Variants in PDSS2 observed in about 807,000 individuals in gnomAD.
The protein encoded by PDSS2 is decaprenyl diphosphate synthase subunit 2.
A neutral mutation model predicts 44.5 loss-of-function variants in PDSS2; 31 were observed. The ratio of observed to expected loss-of-function variants is 0.70; its 90% confidence interval spans 0.52 to 0.94. The LOEUF (loss-of-function observed/expected upper bound fraction) is 0.94, where lower values mean the gene tolerates loss of function less well. Among genes scored for constraint, PDSS2 ranks in the 40% least tolerant of loss-of-function variants. The pLI is 0.00. For synonymous variants in PDSS2, 157 were observed against 180.3 expected, an observed-to-expected ratio of 0.87 and a Z score of 1.03; for missense variants, 452 against 482.2, an observed-to-expected ratio of 0.94 and a Z score of 0.59.
chr6:107,401,976 CTA>C (rs1418897869), intron 1 of PDSS2, among the ~76,000 whole-genome samples: 1 of 152,078 alleles, frequency 6.6e-6, no homozygotes, highest in African/African-American at 2.4e-5. Context: ...AACCCTGTCT[CTA>C]TTAAAAATAC....
chr6:107,167,184 A>G (rs1318306158), intron 7 of PDSS2, among the ~76,000 whole-genome samples: 1 of 152,116 alleles, frequency 6.6e-6, no homozygotes, highest in Non-Finnish European at 1.5e-5. Context: ...CAGTGATTCA[A>G]CTTCTTCCTG....
chr6:107,197,263 A>AGG (rs35169458), intron 6 of PDSS2, among the ~76,000 whole-genome samples: 7 of 97,514 alleles, frequency 7.2e-5, no homozygotes, highest in Non-Finnish European at 1.0e-4. Flanking sequence ...GGGTGGGGTA[A>AGG]GGGGGGGGTG....
chr6:107,185,484 C>A (rs1158438170), intron 7 of PDSS2, among the ~76,000 whole-genome samples: 5 of 152,124 alleles, frequency 3.3e-5, no homozygotes, highest in Non-Finnish European at 7.3e-5. Context: ...TGTAGAAAGT[C>A]GAACCATAGG....
chr6:107,247,545 G>C (rs957541572), intron 3 of PDSS2, among the ~76,000 whole-genome samples: 4 of 152,070 alleles, frequency 2.6e-5, no homozygotes, highest in Non-Finnish European at 5.9e-5. Flanking sequence ...TAAGGAAAAA[G>C]CTTTAGATTT....
chr6:107,260,353 G>A (rs562771603), intron 3 of PDSS2, among the ~76,000 whole-genome samples: 25 of 152,208 alleles, frequency 1.6e-4, no homozygotes, highest in African/African-American at 5.5e-4. Context: ...TTTTTGTTGC[G>A]TATTTACAAC....
At chr6:107,293,059 C>T (rs969080876) in intron 2 of PDSS2, among the ~76,000 whole-genome samples, 1 of 152,202 alleles carries the variant, frequency 6.6e-6, no homozygotes, top group Non-Finnish European at 1.5e-5. Flanking sequence ...ATTAAACAGA[C>T]TTGCTCTGGG....
intron 1 of PDSS2, among the ~76,000 whole-genome samples, chr6:107,381,701 C>T (rs946573152): frequency 2.0e-5 from 3 of 152,168 alleles, no homozygotes; most frequent in Non-Finnish European, 4.4e-5. Context: ...TTTTGACTTC[C>T]ATATCAGGAT....
intron 1 of PDSS2, among the ~76,000 whole-genome samples, chr6:107,425,363 A>G (rs1270314083): frequency 6.6e-6 from 1 of 152,218 alleles, no homozygotes; most frequent in African/African-American, 2.4e-5. Flanking sequence ...AACTTCCTAG[A>G]GACTTGTTGA....
chr6:107,423,386 A>T (rs1780887997), intron 1 of PDSS2, among the ~76,000 whole-genome samples: 2 of 152,222 alleles, frequency 1.3e-5, no homozygotes, highest in South Asian at 4.1e-4. Context: ...GAAGGAGGAC[A>T]GCATATAGGA....
At chr6:107,190,096 A>AT (rs1206520102) in intron 7 of PDSS2, among the ~76,000 whole-genome samples, 2 of 151,414 alleles carry the variant, frequency 1.3e-5, no homozygotes, top group Admixed American at 1.3e-4. Flanking sequence ...AAAAAAAAAA[A>AT]CAAAAATAAC....
intron 1 of PDSS2, among the ~76,000 whole-genome samples, chr6:107,449,580 A>G (rs1409484314): frequency 6.6e-6 from 1 of 152,182 alleles, no homozygotes; most frequent in Non-Finnish European, 1.5e-5. Context: ...TTCACTTAGC[A>G]TAATGTCCTC....
chr6:107,292,203 T>C (rs1776370913), intron 2 of PDSS2, among the ~76,000 whole-genome samples: 1 of 148,328 alleles, frequency 6.7e-6, no homozygotes, highest in Non-Finnish European at 1.5e-5. Flanking sequence ...AAGACAAAAA[T>C]CTTTTAAGTA....
chr6:107,193,354 C>T (rs574400263), intron 7 of PDSS2, among the ~76,000 whole-genome samples: 2 of 152,310 alleles, frequency 1.3e-5, no homozygotes, highest in African/African-American at 2.4e-5. Flanking sequence ...GAACTCCTGC[C>T]TTTGAGAGCT....
intron 2 of PDSS2, among the ~76,000 whole-genome samples, chr6:107,325,803 G>A (rs927603996): frequency 3.9e-5 from 6 of 152,124 alleles, no homozygotes; most frequent in African/African-American, 1.4e-4. Context: ...GTTACAACTT[G>A]GCTTTTGGTC....
At chr6:107,455,511 G>A (rs535809696) in intron 1 of PDSS2, among the ~76,000 whole-genome samples, 35 of 151,912 alleles carry the variant, frequency 2.3e-4, no homozygotes, top group Admixed American at 1.3e-3. Context: ...ATTCCAATAC[G>A]TTGGGAGGCG....
chr6:107,225,423 T>C (rs1223366813), intron 4 of PDSS2, among the ~76,000 whole-genome samples: 1 of 151,698 alleles, frequency 6.6e-6, no homozygotes, highest in African/African-American at 2.4e-5. Context: ...AGTGCTGAGA[T>C]TACAAGTGTG....
intron 1 of PDSS2, among the ~76,000 whole-genome samples, chr6:107,416,899 G>C (rs1422957162): frequency 2.6e-5 from 4 of 151,204 alleles, no homozygotes; most frequent in African/African-American, 9.7e-5. Flanking sequence ...AAAAAAAAAA[G>C]ATGTCAACAT....
chr6:107,340,533 G>A (rs1255601405), intron 1 of PDSS2, among the ~76,000 whole-genome samples: 1 of 152,200 alleles, frequency 6.6e-6, no homozygotes, highest in African/African-American at 2.4e-5. Context: ...CAACACGTAT[G>A]AAGGGTATAC....
chr6:107,386,483 A>G (rs1779616155), intron 1 of PDSS2, among the ~76,000 whole-genome samples: 1 of 152,166 alleles, frequency 6.6e-6, no homozygotes, highest in Non-Finnish European at 1.5e-5. Context: ...TTAGGCTTAC[A>G]TTTAAATCAC....
Sources: gnomAD v4.1 joint callset for allele counts (sites outside exome capture counted in the v4.1 genomes callset) on GRCh38, gnomAD v4.1.1 for gene constraint, MANE v1.5 for transcripts, NCBI Gene and HGNC (gene_info 2026-07-23, HGNC 2026-07-21) for gene names.